Variants in ZNF215 observed in about 807,000 individuals in gnomAD.
ZNF215 encodes BWSCR2-associated zinc finger protein 2.
Under a neutral mutation model 27.2 loss-of-function variants are expected in ZNF215, and 24 were observed. The observed-to-expected ratio is 0.88, with a 90% confidence interval of 0.64 to 1.24. The LOEUF (loss-of-function observed/expected upper bound fraction) is 1.24. Ranked by LOEUF, ZNF215 falls within the 50% of genes most tolerant of loss-of-function variation. ZNF215 has a pLI of 0.00. For synonymous variants in ZNF215, 210 were observed against 204.0 expected, an observed-to-expected ratio of 1.03 and a Z score of -0.25; for missense variants, 675 against 605.7, an observed-to-expected ratio of 1.11 and a Z score of -1.20.
intron 5 of ZNF215, among the ~76,000 whole-genome samples, chr11:6,969,986 T>A (rs952375347): frequency 1.3e-5 from 2 of 152,308 alleles, no homozygotes; most frequent in African/African-American, 4.8e-5. Context: ...TTCACCATGT[T>A]GGCCAGGCTG....
intron 5 of ZNF215, among the ~76,000 whole-genome samples, chr11:6,966,192 A>G (rs917764855): frequency 2.6e-5 from 4 of 152,160 alleles, no homozygotes; most frequent in African/African-American, 9.7e-5. Flanking sequence ...AAAGAATGAA[A>G]TCATGTCCTT....
chr11:6,974,326 C>T (rs1223157382), intron 5 of ZNF215, among the ~76,000 whole-genome samples: 15 of 152,156 alleles, frequency 9.9e-5, no homozygotes, highest in Admixed American at 2.6e-4. Flanking sequence ...AGTCAGGTAG[C>T]GTGATGCCTC....
chr11:6,959,907 G>A (rs1048220941), downstream of ZNF215, among the ~76,000 whole-genome samples: 6 of 152,106 alleles, frequency 3.9e-5, no homozygotes, highest in South Asian at 4.2e-4. Flanking sequence ...TTAGCATATC[G>A]TAAATTGTCA....
intron 6 of ZNF215, among the ~76,000 whole-genome samples, chr11:6,945,477 G>A (rs957748): frequency 0.74 from 112,829 of 152,020 alleles, 41,848 homozygotes; most frequent in South Asian, 0.8. Flanking sequence ...CTCCTATTCC[G>A]TACCCTATTT....
chr11:6,956,738 C>G lies in ZNF215; in HGVS notation c.*207C>G. 2 of 1,362,476 alleles carry G rather than the reference C, an allele frequency of 1.5e-6. No homozygotes were observed. The highest frequency in any genetic ancestry group is 5.6e-5 in the East Asian group (2 of 35,464). The allele number at this position is 1,362,476 out of a possible 1,614,324, so 84.4% of individuals were successfully genotyped here. ...AATTTTCCTGGTTTTCAGATGAAGCCATAAGGCTTTGGAGTTAAACCACAG... is the reference window on the plus strand; with the variant it reads ...AATTTTCCTGGTTTTCAGATGAAGCGATAAGGCTTTGGAGTTAAACCACAG... On this transcript the variant is annotated 3_prime_UTR_variant, in exon 7 of 7. Transcript: ENST00000278319.
intron 3 of ZNF215, among the ~76,000 whole-genome samples, chr11:6,935,542 A>G (rs1195779806): frequency 2.0e-5 from 3 of 152,242 alleles, no homozygotes; most frequent in Non-Finnish European, 4.4e-5. Context: ...AATGAGCAAT[A>G]ACTACAACAG....
chr11:6,946,182 C>T (rs947050185), intron 6 of ZNF215, among the ~76,000 whole-genome samples: 1 of 152,172 alleles, frequency 6.6e-6, no homozygotes, highest in Non-Finnish European at 1.5e-5. Context: ...CATCTCTCAC[C>T]TGAACCACCA....
rs150653181 is a variant in ZNF215 at position 6,949,554 on chromosome 11, C to A, written c.712+5913C>A. Among the ~76,000 whole-genome samples, 1,116 of 151,982 alleles carry A rather than the reference C, an allele frequency of 7.3e-3. 4 individuals carry two copies. The highest frequency in any genetic ancestry group is 0.02 in the Middle Eastern group (6 of 294). On this transcript the variant is annotated intron_variant, in intron 6 of 6. Transcript: ENST00000278319. ...TGGCTGTATAAATGTCTGTTCATGT[C>A]CTTCGCCCACTTGTTGATGGCGTTG...
intron 2 of ZNF215, among the ~76,000 whole-genome samples, chr11:6,929,770 C>T (rs553666722): frequency 6.7e-6 from 1 of 149,854 alleles, no homozygotes; most frequent in South Asian, 2.2e-4. Flanking sequence ...GTAAATTTAC[C>T]TTCCCCCTCC....
At chr11:6,946,666 G>GTT (rs929839943) in intron 6 of ZNF215, among the ~76,000 whole-genome samples, 2 of 151,914 alleles carry the variant, frequency 1.3e-5, no homozygotes, top group African/African-American at 4.8e-5. Flanking sequence ...TCCTAACTTG[G>GTT]TTTTTTTCAG....
chr11:6,927,304 C>A (rs182560421), intron 1 of ZNF215, among the ~76,000 whole-genome samples: 1 of 152,314 alleles, frequency 6.6e-6, no homozygotes, highest in Non-Finnish European at 1.5e-5. Flanking sequence ...TAAATGACTT[C>A]TATTCAGTCA....
At chr11:6,988,210 C>T (rs900723357), downstream of ZNF215, 8 of 985,252 alleles carry the variant, frequency 8.1e-6, no homozygotes, top group African/African-American at 1.4e-4. Context: ...TTCCTCACAT[C>T]GATAGGGAGA....
intron 5 of ZNF215, chr11:6,983,998 T>G (rs929623138): frequency 3.4e-5 from 9 of 266,856 alleles, no homozygotes; most frequent in Middle Eastern, 1.4e-3. Context: ...GCCTAAAACA[T>G]GATAGTACTC....
chr11:6,958,514 T>C (rs1850450151), downstream of ZNF215, among the ~76,000 whole-genome samples: 1 of 152,156 alleles, frequency 6.6e-6, no homozygotes, highest in Non-Finnish European at 1.5e-5. Flanking sequence ...AGAGCATTTA[T>C]AGCCAATTAA....
At chr11:6,947,827 A>G (rs1327954491) in intron 6 of ZNF215, among the ~76,000 whole-genome samples, 1 of 152,208 alleles carries the variant, frequency 6.6e-6, no homozygotes, top group Non-Finnish European at 1.5e-5. Flanking sequence ...CCAGGGCTCA[A>G]ATGGGATGGA....
At chr11:6,935,231 A>G (rs765749498) in intron 3 of ZNF215, among the ~76,000 whole-genome samples, 2 of 152,242 alleles carry the variant, frequency 1.3e-5, no homozygotes, top group Non-Finnish European at 1.5e-5. Flanking sequence ...GATTGAAGAC[A>G]TGTTCAGAAA....
Position 6,957,004 on chromosome 11 carries a change from T to C in ZNF215, c.*473T>C. ...GAGAATACTTCTAAGGACAGAAATCTCTGAATCAATGGCTAAGACAACAGT... is the reference window on the plus strand; with the variant it reads ...GAGAATACTTCTAAGGACAGAAATCCCTGAATCAATGGCTAAGACAACAGT... On this transcript the variant is annotated 3_prime_UTR_variant, in exon 7 of 7. Coordinates refer to ENST00000278319, the MANE Select transcript of ZNF215 (RefSeq NM_013250.4). 1.0e-6 allele frequency: 1 copy of C among 987,070 alleles called. No individual in the cohort carries two copies. The highest frequency in any genetic ancestry group is 4.7e-5 in the South Asian group (1 of 21,382). 61.1% of individuals were successfully genotyped at this position (987,070 alleles called of 1,614,324 possible).
intron 6 of ZNF215, among the ~76,000 whole-genome samples, chr11:6,946,095 A>G (rs1849806439): frequency 6.6e-6 from 1 of 151,808 alleles, no homozygotes; most frequent in Non-Finnish European, 1.5e-5. Flanking sequence ...ATTTGTTCCT[A>G]TTTTACTTCC....
chr11:6,941,677 C>G, intron 4 of ZNF215, 24 bp downstream of exon 4: 1 of 1,611,844 alleles, frequency 6.2e-7, no homozygotes, highest in Non-Finnish European at 8.5e-7. Flanking sequence ...CTAGTCTTTA[C>G]TGAACACATA....
Sources: allele counts gnomAD v4.1 joint callset (sites outside exome capture counted in the v4.1 genomes callset), GRCh38; gene constraint gnomAD v4.1.1; transcripts MANE v1.5; gene names NCBI Gene and HGNC (gene_info 2026-07-23, HGNC 2026-07-21).